The following RPS6KA4 variants were observed in gnomAD, a reference collection of about 807,000 sequenced individuals.
RPS6KA4 encodes ribosomal protein S6 kinase A4.
Under a neutral mutation model 89.6 loss-of-function variants are expected in RPS6KA4, and 38 were observed. That is an observed-to-expected ratio of 0.42 (90% CI 0.33 to 0.56). The LOEUF is 0.56. RPS6KA4 is among the 20% of genes least tolerant of loss of function. The pLI, the probability that RPS6KA4 is intolerant of heterozygous loss-of-function variation, is 0.07. For missense variants in RPS6KA4, 873 were observed against 1,098.8 expected (o/e 0.79, Z 2.90); for synonymous variants, 495 against 492.8 (o/e 1.00, Z -0.06).
intron 12 of RPS6KA4, 111 bp downstream of exon 12, chr11:64,368,908 C>A: frequency 2.8e-6 from 3 of 1,056,630 alleles, no homozygotes; most frequent in Non-Finnish European, 4.1e-6. Context: ...GCGTTTGATT[C>A]GGGGCCCAAA....
rs972425349 is a variant in RPS6KA4 at position 64,360,013 on chromosome 11, A to G, written c.128-150A>G. On this transcript the variant is annotated intron_variant, in intron 2 of 16. Transcript: ENST00000334205. ...GGGGTGTGCACACCCTTTCCTTAGA[A>G]GGCTCTGCCAGCTTTTTGCACACCT... 5.9e-5 allele frequency: 42 copies of G among 716,022 alleles called. 1 individual carries two copies. The highest frequency in any genetic ancestry group is 6.7e-5 in the Non-Finnish European group (29 of 434,884). The allele number at this position is 716,022 out of a possible 1,614,324, so 44.4% of individuals were successfully genotyped here.
At position 64,361,635 on chromosome 11, in the gene RPS6KA4, C is replaced by G. The variant is rs1236875999; in HGVS notation, c.652-7C>G. The G allele has an allele frequency of 7.4e-6, 12 of 1,613,114 alleles. No homozygotes were observed. The highest frequency in any genetic ancestry group is 1.0e-5 in the Non-Finnish European group (12 of 1,179,922). On this transcript the variant is annotated splice_polypyrimidine_tract_variant and splice_region_variant and intron_variant, in intron 6 of 16. Coordinates refer to ENST00000334205, the MANE Select transcript of RPS6KA4 (RefSeq NM_003942.3). This position sits in a 1 kb window ranked among gnomAD's most constrained non-coding sequence, Gnocchi z 4.7. Reference sequence around the variant, plus strand: ...ATGCAGGCCCTCACCCCGGCTCCACCCGGCAGGCTGTGGACTGGTGGAGCC... The same window carrying G: ...ATGCAGGCCCTCACCCCGGCTCCACGCGGCAGGCTGTGGACTGGTGGAGCC...
rs1313744795 is a variant in RPS6KA4, at chr11:64,371,449, G to A, written c.2288G>A (p.Arg763His). Residue 763 changes from arginine to histidine, a missense_variant, in exon 17 of 17, where the codon CGC becomes CAC. Around this residue, in one of 4 missense-constraint regions of RPS6KA4, gnomAD observed 278 missense variants for 284.8 expected, o/e 0.98. Coordinates refer to ENST00000334205, the MANE Select transcript of RPS6KA4 (RefSeq NM_003942.3). ...RAPVASKGAP[R>H]RANGPLPPS ...CCCGTCGCCTCCAAAGGGGCCCCCC[G>A]CCGAGCCAACGGCCCCCTGCCCCCC... The A allele has an allele frequency of 6.6e-7, 1 of 1,524,802 alleles. No homozygotes were observed. The highest frequency in any genetic ancestry group is 2.4e-5 in the East Asian group (1 of 42,250). The allele number at this position is 1,524,802 out of a possible 1,614,324, so 94.5% of individuals were successfully genotyped here.
At chr11:64,371,177 C>A in intron 16 of RPS6KA4, 106 bp from the exon 17 acceptor site, 1 of 1,078,690 alleles carries the variant, frequency 9.3e-7, no homozygotes, top group Non-Finnish European at 1.4e-6. Flanking sequence ...GCCCTGTCGG[C>A]CTTGACCTAG....
intron 8 of RPS6KA4, among the ~76,000 whole-genome samples, chr11:64,363,315 C>T (rs765278463): frequency 3.9e-5 from 6 of 152,058 alleles, no homozygotes; most frequent in Non-Finnish European, 5.9e-5. Flanking sequence ...TCCCTTTGCA[C>T]GGGGTGGGGA....
At chr11:64,371,190 G>A in intron 16 of RPS6KA4, 93 bp from the exon 17 acceptor site, 1 of 1,257,690 alleles carries the variant, frequency 8.0e-7, no homozygotes, top group Non-Finnish European at 1.1e-6. Flanking sequence ...TGACCTAGGC[G>A]GCTGGAGGCA....
chr11:64,367,961 A>G (rs1292506633), intron 9 of RPS6KA4, among the ~76,000 whole-genome samples, 171 bp from the exon 10 acceptor site: 3 of 152,216 alleles, frequency 2.0e-5, no homozygotes, highest in African/African-American at 7.2e-5. Context: ...TTATAAAACC[A>G]GGTGGAATAA....
intron 8 of RPS6KA4, among the ~76,000 whole-genome samples, chr11:64,364,949 C>T (rs1362230355): frequency 3.5e-5 from 5 of 141,640 alleles, no homozygotes; most frequent in South Asian, 2.2e-4. Flanking sequence ...GATGGGGTTT[C>T]ACCATGTTAA....
In RPS6KA4 at chr11:64,371,919, C is replaced by CGTCCACCAAA. The variant is rs1400027097; in HGVS notation, c.*441_*450dup. 6.4e-6 allele frequency: 1 copy of CGTCCACCAAA among 155,240 alleles called. No homozygotes were observed. Among genetic ancestry groups the CGTCCACCAAA allele is most frequent in the Non-Finnish European group, 1.4e-5 (1 of 70,022 alleles). The allele number at this position is 155,240 out of a possible 1,614,324, so 9.6% of individuals were successfully genotyped here. On this transcript the variant is annotated 3_prime_UTR_variant, in exon 17 of 17. Coordinates refer to ENST00000334205, the MANE Select transcript of RPS6KA4 (RefSeq NM_003942.3). ...ACTTTATGGACTGTCTGTGCAATTA[C>CGTCCACCAAA]GTCCACCAAAGACCCGTGTTGGGGG...
chr11:64,370,245 G>C lies in RPS6KA4; in HGVS notation c.1818G>C (p.Gln606His). Residue 606 changes from glutamine (Q) to histidine (H), a missense_variant, in exon 15 of 17, where the codon CAG (glutamine) becomes CAC (histidine). Physicochemically the swap from Gln to His is conservative, Grantham distance 24. This residue lies in a region of RPS6KA4 where 278 missense variants were observed against 284.8 expected (regional missense o/e 0.98). Transcript: ENST00000334205. This position sits in a 1 kb window ranked among gnomAD's most constrained non-coding sequence, Gnocchi z 4.1. ...CCTAGTACATGATGCTGTCGGGGCA[G>C]GTCCCCTTCCAGGGGGCCTCTGGCC... ...GVILYMMLSG[Q>H]VPFQGASGQG... The C allele has an allele frequency of 6.4e-7, 1 of 1,570,002 alleles. No individual in the cohort carries two copies. The highest frequency in any genetic ancestry group is 8.6e-7 in the Non-Finnish European group (1 of 1,165,426).
Position 64,369,529 on chromosome 11 carries a change from G to C in RPS6KA4, c.1512G>C (p.Ser504=). 6.2e-7 allele frequency: 1 copy of C among 1,609,092 alleles called. No individual in the cohort carries two copies. The highest frequency in any genetic ancestry group is 8.5e-7 in the Non-Finnish European group (1 of 1,178,476). ...HIRKKRHFSE[S]EASQILRSLV... ...GCAAGAAGCGGCACTTCAGCGAGTC[G>C]GAAGCAAGCCAGATCCTGCGCAGCC... is the stretch of plus-strand genomic sequence containing the variant. Residue 504 remains serine, a synonymous_variant, in exon 13 of 17, where the codon TCG becomes TCC. Coordinates refer to ENST00000334205, the MANE Select transcript of RPS6KA4 (RefSeq NM_003942.3).
In RPS6KA4 at chr11:64,370,017, C is replaced by A; in HGVS notation, c.1797+124C>A. ...GGGGGCGGCTGGGTTTCGTCCGAAG[C>A]TGGGATCGGGGTGGTTCAAATACAG... On this transcript the variant is annotated intron_variant, in intron 14 of 16. Transcript: ENST00000334205. The surrounding 1 kb of genome is among the most constrained non-coding windows in gnomAD (Gnocchi z 4.1). The A allele has an allele frequency of 1.7e-6, 2 of 1,187,652 alleles. No individual in the cohort carries two copies. The highest frequency in any genetic ancestry group is 2.3e-6 in the Non-Finnish European group (2 of 874,964). 73.6% of individuals were successfully genotyped at this position (1,187,652 alleles called of 1,614,324 possible).
At position 64,370,860 on chromosome 11, in the gene RPS6KA4, C is replaced by A. The variant is rs1451179445; in HGVS notation, c.2121+134C>A. 4 of 1,159,330 alleles carry A rather than the reference C, an allele frequency of 3.5e-6. No individual in the cohort carries two copies. Among genetic ancestry groups the A allele is most frequent in the East Asian group, 2.7e-5 (1 of 37,702 alleles). The allele number at this position is 1,159,330 out of a possible 1,614,324, so 71.8% of individuals were successfully genotyped here. ...GTGGCTCACGCCTGTAATCCCAGCGCTTTGGGAGGCCGAGGCGGGCGGATC... is the reference window on the plus strand; with the variant it reads ...GTGGCTCACGCCTGTAATCCCAGCGATTTGGGAGGCCGAGGCGGGCGGATC... On this transcript the variant is annotated intron_variant, in intron 16 of 16. Coordinates refer to ENST00000334205, the MANE Select transcript of RPS6KA4 (RefSeq NM_003942.3). This position sits in a 1 kb window ranked among gnomAD's most constrained non-coding sequence, Gnocchi z 4.1.
In RPS6KA4 at chr11:64,371,762, G is replaced by A; in HGVS notation, c.*282G>A. ...TCTGGGCAGAAGGCCCCTCCAGGGG[G>A]ACTGCTCCAACAGGAAAGAGCCCCT... is the stretch of plus-strand genomic sequence containing the variant. On this transcript the variant is annotated 3_prime_UTR_variant, in exon 17 of 17. Transcript: ENST00000334205. The A allele has an allele frequency of 2.9e-6, 1 of 346,436 alleles. No homozygotes were observed. Among genetic ancestry groups the A allele is most frequent in the South Asian group, 5.3e-5 (1 of 18,762 alleles). The allele number at this position is 346,436 out of a possible 1,614,324, so 21.5% of individuals were successfully genotyped here.
At chr11:64,362,139 G>A (rs1046214856) in intron 8 of RPS6KA4, 137 bp downstream of exon 8, 2 of 1,077,496 alleles carry the variant, frequency 1.9e-6, no homozygotes, top group African/African-American at 1.6e-5. Context: ...GTGTCAGCTA[G>A]GTTTCTCTTC....
In RPS6KA4 at chr11:64,371,716, C is replaced by G. The variant is rs2037082472; in HGVS notation, c.*236C>G. 4 of 457,716 alleles carry G rather than the reference C, an allele frequency of 8.7e-6. No homozygotes were observed. The South Asian group carries it at 9.6e-5, about 11-fold the overall frequency. The allele number at this position is 457,716 out of a possible 1,614,324, so 28.4% of individuals were successfully genotyped here. ...GCTGGGGAGTGGGGTTTGGGGGGCC[C>G]TCTCCCAGGACACTGCCTCTTCTGG... On this transcript the variant is annotated 3_prime_UTR_variant, in exon 17 of 17. Transcript: ENST00000334205.
intron 10 of RPS6KA4, 22 bp downstream of exon 10, chr11:64,368,282 T>C: frequency 6.2e-7 from 1 of 1,611,016 alleles, no homozygotes; most frequent in South Asian, 1.1e-5. Context: ...TGGGCTGGGT[T>C]GGGGGGAAAT....
In RPS6KA4 at chr11:64,361,232, G is replaced by T. The variant is rs1430171090; in HGVS notation, c.561G>T (p.Leu187=). The T allele has an allele frequency of 6.2e-7, 1 of 1,613,224 alleles. No individual in the cohort carries two copies. The highest frequency in any genetic ancestry group is 8.5e-7 in the Non-Finnish European group (1 of 1,179,864). ...ACTTCGGGCTGAGCAAGGAGTTCCT[G>T]ACGGAGGAGGTGAGTGGAGGCCACC... ...LTDFGLSKEF[L]TEEKERTFSF... The change falls in exon 5 of 17, where the codon CTG becomes CTT. Residue 187 remains leucine (L), a synonymous_variant. Coordinates refer to ENST00000334205, the MANE Select transcript of RPS6KA4 (RefSeq NM_003942.3). This position sits in a 1 kb window ranked among gnomAD's most constrained non-coding sequence, Gnocchi z 4.7.
At position 64,371,600 on chromosome 11, in the gene RPS6KA4, C is replaced by T. The variant is rs1258000788; in HGVS notation, c.*120C>T. On this transcript the variant is annotated 3_prime_UTR_variant, in exon 17 of 17. Coordinates refer to ENST00000334205, the MANE Select transcript of RPS6KA4 (RefSeq NM_003942.3). ...AAGGGACTGTCCTTTCCTCTCCTAC[C>T]CCACCCCACTCCCAGACAGAGCAGA... 3.4e-6 allele frequency: 2 copies of T among 580,974 alleles called. No individual in the cohort carries two copies. Among genetic ancestry groups the T allele is most frequent in the East Asian group, 2.9e-5 (1 of 34,560 alleles). The allele number at this position is 580,974 out of a possible 1,614,324, so 36.0% of individuals were successfully genotyped here.
Sources: allele counts gnomAD v4.1 joint callset (sites outside exome capture counted in the v4.1 genomes callset), GRCh38; gene constraint gnomAD v4.1.1; regional missense constraint gnomAD v4.1.1; non-coding constraint Gnocchi (gnomAD v3.1); transcripts MANE v1.5; gene names NCBI Gene and HGNC (gene_info 2026-07-23, HGNC 2026-07-21).